Variants in DPY19L3 observed in about 807,000 individuals in gnomAD.
The protein encoded by DPY19L3 is dpy-19 like C-mannosyltransferase 3, also known as protein C-mannosyl-transferase DPY19L3.
DPY19L3 carries 51 observed loss-of-function variants against 92.3 expected under a neutral mutation model. The observed-to-expected ratio is 0.55, with a 90% CI of 0.44 to 0.70. The LOEUF (loss-of-function observed/expected upper bound fraction) is 0.70, where lower values mean the gene tolerates loss of function less well. DPY19L3 is among the 30% of genes least tolerant of loss of function. The probability of loss-of-function intolerance (pLI) is 0.00; values close to 1 mark genes in which losing one functional copy is unlikely to be tolerated. For missense variants in DPY19L3, 706 were observed against 855.9 expected, an observed-to-expected ratio of 0.82 and a Z score of 2.18; for synonymous variants, 309 against 315.2, an observed-to-expected ratio of 0.98 and a Z score of 0.21.
intron 4 of DPY19L3, among the ~76,000 whole-genome samples, chr19:32,435,262 C>T (rs1363687836): frequency 1.3e-5 from 2 of 152,198 alleles, no homozygotes. Flanking sequence ...CCCTTTATTA[C>T]CTCCTGTAGG....
intron 15 of DPY19L3, 44 bp downstream of exon 15, chr19:32,464,828 G>A (rs1970154330): frequency 1.5e-6 from 2 of 1,311,100 alleles, no homozygotes; most frequent in Non-Finnish European, 2.1e-6. Context: ...GTATTTAGCA[G>A]AATAATTGCT....
intron 8 of DPY19L3, among the ~76,000 whole-genome samples, chr19:32,447,771 A>ATT (rs1555721943): frequency 4.2e-5 from 5 of 120,030 alleles, no homozygotes; most frequent in African/African-American, 1.8e-4. Context: ...ATAGATAGAT[A>ATT]GATAGATTAG....
At chr19:32,419,855 A>AT (rs1189166828) in intron 3 of DPY19L3, among the ~76,000 whole-genome samples, 2,439 of 111,812 alleles carry the variant, frequency 0.022, 50 homozygotes, top group African/African-American at 0.039. Flanking sequence ...GCACTCCCCC[A>AT]TTTTTTTTTT....
At chr19:32,453,357 T>G in intron 9 of DPY19L3, 81 bp downstream of exon 9, 5 of 1,390,836 alleles carry the variant, frequency 3.6e-6, no homozygotes, top group Non-Finnish European at 4.8e-6. Flanking sequence ...TCACACAGCA[T>G]ACAAAGGGAA....
At chr19:32,452,359 A>G (rs971820743) in intron 8 of DPY19L3, among the ~76,000 whole-genome samples, 4 of 152,220 alleles carry the variant, frequency 2.6e-5, no homozygotes, top group African/African-American at 9.6e-5. Flanking sequence ...AAGGTCATGC[A>G]GCAGGAGGGG....
At chr19:32,478,640 C>T (rs752596623) in intron 17 of DPY19L3, among the ~76,000 whole-genome samples, 24 of 152,192 alleles carry the variant, frequency 1.6e-4, no homozygotes, top group Non-Finnish European at 3.1e-4. Context: ...CCCCTTTCTC[C>T]ATTTTTACAG....
chr19:32,476,714 G>T (rs1374101281), intron 16 of DPY19L3, among the ~76,000 whole-genome samples: 1 of 152,100 alleles, frequency 6.6e-6, no homozygotes, highest in Non-Finnish European at 1.5e-5. Context: ...AAGTGAGTTT[G>T]TGCCTTAGTA....
At chr19:32,451,693 C>CT (rs1160241174) in intron 8 of DPY19L3, among the ~76,000 whole-genome samples, 2 of 151,994 alleles carry the variant, frequency 1.3e-5, no homozygotes, top group African/African-American at 2.4e-5. Context: ...TAGGGACTGC[C>CT]TTTTTTTTCT....
chr19:32,411,642 A>T (rs12608975), intron 3 of DPY19L3: 176,808 of 403,320 alleles, frequency 0.44, 43,417 homozygotes, highest in Non-Finnish European at 0.53. Flanking sequence ...ATCTTGGCTC[A>T]CTACAACCTC....
intron 1 of DPY19L3, among the ~76,000 whole-genome samples, chr19:32,407,886 G>C (rs1182554145): frequency 6.6e-6 from 1 of 152,140 alleles, no homozygotes; most frequent in Non-Finnish European, 1.5e-5. Flanking sequence ...ATGAGGCCAG[G>C]AGTTCAGTAC....
chr19:32,467,464 C>T, intron 15 of DPY19L3: 1 of 987,420 alleles, frequency 1.0e-6, no homozygotes, highest in Non-Finnish European at 1.2e-6. Context: ...ACATCTCTTC[C>T]AAAAACTAGA....
Position 32,482,172 on chromosome 19 carries a change from G to A in DPY19L3, c.2083G>A (p.Val695Met), listed in dbSNP as rs746916888. The A allele has an allele frequency of 4.2e-5, 68 of 1,613,674 alleles. No individual in the cohort carries two copies. The highest frequency in any genetic ancestry group is 1.6e-4 in the Middle Eastern group (1 of 6,078). ...GATCAAAAGAAACCTGCCTCCCTAC[G>A]TGGCCTACTTCACCAGAGTGTTCCA... The part of the protein sequence containing the change: ...EEIKRNLPPY[V>M]AYFTRVFQNK... The change falls in exon 19 of 19, where the codon GTG (valine) becomes ATG (methionine). Residue 695 changes from valine (V) to methionine (M), a missense_variant. Val to Met is a conservative substitution (Grantham distance 21, BLOSUM62 1). Coordinates refer to ENST00000392250, the MANE Select transcript of DPY19L3 (RefSeq NM_001172774.2).
intron 6 of DPY19L3, 141 bp from the exon 7 acceptor site, chr19:32,438,971 G>A: frequency 1.2e-6 from 1 of 826,272 alleles, no homozygotes; most frequent in Middle Eastern, 2.7e-4. Context: ...TGATGATGAT[G>A]ATAAGGACAA....
chr19:32,438,436 T>C (rs1969216273), intron 6 of DPY19L3, among the ~76,000 whole-genome samples: 2 of 152,222 alleles, frequency 1.3e-5, no homozygotes, highest in African/African-American at 4.8e-5. Flanking sequence ...CATCTATATA[T>C]ATTTCTTTTA....
rs1970764209 is a variant in DPY19L3 at position 32,485,070 on chromosome 19, T to G, written c.*2830T>G. On this transcript the variant is annotated 3_prime_UTR_variant, in exon 19 of 19. Transcript: ENST00000392250. ...GTGATTTATGTGAGAAGTAGAACTG[T>G]AGTCATTGGACCCTTAGGCAAAGGA... 1.3e-5 allele frequency: 2 copies of G among 152,218 alleles called. No individual in the cohort carries two copies. The highest frequency in any genetic ancestry group is 1.3e-4 in the Admixed American group (2 of 15,284). 9.4% of individuals were successfully genotyped at this position (152,218 alleles called of 1,614,324 possible).
At chr19:32,434,189 G>C (rs1969061510) in intron 4 of DPY19L3, among the ~76,000 whole-genome samples, 1 of 152,038 alleles carries the variant, frequency 6.6e-6, no homozygotes, top group Non-Finnish European at 1.5e-5. Flanking sequence ...AGTCATTCAT[G>C]GACACGTCCA....
chr19:32,462,420 C>T (rs772866352), intron 12 of DPY19L3, among the ~76,000 whole-genome samples: 2 of 152,224 alleles, frequency 1.3e-5, no homozygotes, highest in East Asian at 1.9e-4. Flanking sequence ...TTAATATTTT[C>T]GGACAGCAGT....
intron 3 of DPY19L3, chr19:32,413,087 A>G (rs1968249011): frequency 6.6e-6 from 1 of 152,204 alleles, no homozygotes; most frequent in Admixed American, 6.5e-5. Context: ...GCATCCAAAT[A>G]TACCTTACAT....
intron 8 of DPY19L3, among the ~76,000 whole-genome samples, chr19:32,450,026 C>T (rs1251555835): frequency 6.8e-6 from 1 of 147,370 alleles, no homozygotes; most frequent in Non-Finnish European, 1.5e-5. Context: ...CAGGAACTCC[C>T]AGAATATATG....
Sources: allele counts gnomAD v4.1 joint callset (sites outside exome capture counted in the v4.1 genomes callset), GRCh38; gene constraint gnomAD v4.1.1; transcripts MANE v1.5; gene names NCBI Gene and HGNC (gene_info 2026-07-23, HGNC 2026-07-21).